The following HDAC9 variants were observed in gnomAD, a reference collection of about 807,000 sequenced individuals.
HDAC9 encodes histone deacetylase 9, also known as MEF-2 interacting transcription repressor (MITR) protein.
A neutral mutation model predicts 139.4 loss-of-function variants in HDAC9; 41 were observed. That is an observed-to-expected ratio of 0.29 (90% CI 0.23 to 0.38). The LOEUF (loss-of-function observed/expected upper bound fraction) is 0.38. Among genes scored for constraint, HDAC9 ranks in the 10% least tolerant of loss-of-function variants. HDAC9 has a pLI of 1.00. For synonymous variants in HDAC9, 517 were observed against 476.2 expected (o/e 1.09, Z -1.12); for missense variants, 1,147 against 1,297.0 (o/e 0.88, Z 1.78).
intron 12 of HDAC9, among the ~76,000 whole-genome samples, chr7:18,716,252 T>C (rs1357629269): frequency 6.6e-6 from 1 of 152,236 alleles, no homozygotes; most frequent in African/African-American, 2.4e-5. Context: ...TGGGCTGTTA[T>C]GTAATTAAAA....
intron 1 of HDAC9, among the ~76,000 whole-genome samples, chr7:18,388,419 T>C (rs1786147754): frequency 6.6e-6 from 1 of 152,192 alleles, no homozygotes; most frequent in Admixed American, 6.5e-5. Context: ...GTGCAGCCTG[T>C]GAGGATAGAG....
Position 18,495,939 on chromosome 7 carries a change from A to G in HDAC9, c.-126A>G, listed in dbSNP as rs911706604. 24 of 1,243,712 alleles carry G rather than the reference A, an allele frequency of 1.9e-5. No individual in the cohort carries two copies. The South Asian group carries it at 5.5e-4, about 28-fold the overall frequency. The allele number at this position is 1,243,712 out of a possible 1,614,324, so 77.0% of individuals were successfully genotyped here. On this transcript the variant is annotated 5_prime_UTR_variant, in exon 1 of 26. Transcript: ENST00000686413. Reference sequence around the variant, plus strand: ...AGAAATAACCCCGAAGCACGTTCCTATTTCCCACCTGCTTGTAGTTTCCGG... The same window carrying G: ...AGAAATAACCCCGAAGCACGTTCCTGTTTCCCACCTGCTTGTAGTTTCCGG...
At chr7:18,659,253 T>C (rs1420086821) in intron 11 of HDAC9, among the ~76,000 whole-genome samples, 1 of 152,180 alleles carries the variant, frequency 6.6e-6, no homozygotes, top group Non-Finnish European at 1.5e-5. Context: ...TATAGACTTG[T>C]ATCAAGTTAT....
At chr7:18,938,630 C>T (rs768323615) in intron 23 of HDAC9, among the ~76,000 whole-genome samples, 18 of 152,172 alleles carry the variant, frequency 1.2e-4, no homozygotes, top group Non-Finnish European at 1.6e-4. Flanking sequence ...TCTCAAAATG[C>T]TGAATTAAAT....
intron 2 of HDAC9, among the ~76,000 whole-genome samples, chr7:18,229,466 C>T (rs777186731): frequency 2.0e-5 from 3 of 152,152 alleles, no homozygotes; most frequent in African/African-American, 2.4e-5. Context: ...GCAGCAGGCT[C>T]GGTGCCGTGC....
At chr7:18,641,504 T>TA (rs1278750833) in intron 8 of HDAC9, among the ~76,000 whole-genome samples, 1 of 152,128 alleles carries the variant, frequency 6.6e-6, no homozygotes, top group Non-Finnish European at 1.5e-5. Flanking sequence ...GACAGAGAAG[T>TA]TACCCGTTAA....
chr7:18,655,642 C>T (rs1790888712), intron 11 of HDAC9, among the ~76,000 whole-genome samples: 1 of 152,110 alleles, frequency 6.6e-6, no homozygotes, highest in Admixed American at 6.6e-5. Flanking sequence ...GGAAAAGAAA[C>T]AAAATGACCA....
intron 2 of HDAC9, among the ~76,000 whole-genome samples, chr7:18,536,830 G>T (rs560971379): frequency 1.3e-5 from 2 of 152,204 alleles, no homozygotes; most frequent in South Asian, 4.1e-4. Context: ...ACTAGGGAGG[G>T]TATTAAATAA....
chr7:18,925,499 A>G (rs1804137980), intron 22 of HDAC9, among the ~76,000 whole-genome samples: 2 of 152,148 alleles, frequency 1.3e-5, no homozygotes, highest in African/African-American at 4.8e-5. Context: ...GTCACATAGT[A>G]GCTTCTTAGT....
At chr7:18,482,953 G>A (rs776506991) in intron 1 of HDAC9, among the ~76,000 whole-genome samples, 4 of 152,076 alleles carry the variant, frequency 2.6e-5, no homozygotes, top group Admixed American at 6.5e-5. Flanking sequence ...AAAGTCTAAC[G>A]CATTACTCTA....
chr7:18,177,817 C>G (rs1472905917), intron 2 of HDAC9, among the ~76,000 whole-genome samples: 1 of 152,116 alleles, frequency 6.6e-6, no homozygotes, highest in Middle Eastern at 3.4e-3. Context: ...GCCCAGCACA[C>G]AAAAGGAGCC....
At chr7:18,248,511 C>T (rs1448989574) in intron 2 of HDAC9, among the ~76,000 whole-genome samples, 2 of 152,162 alleles carry the variant, frequency 1.3e-5, no homozygotes, top group East Asian at 3.9e-4. Context: ...GAATTGTTGG[C>T]AGTTTTTGAG....
intron 1 of HDAC9, among the ~76,000 whole-genome samples, chr7:18,445,823 G>C (rs1562995382): frequency 6.6e-6 from 1 of 152,298 alleles, no homozygotes; most frequent in Non-Finnish European, 1.5e-5. Flanking sequence ...AAAATATCCT[G>C]AAAATGGTTT....
intron 6 of HDAC9, among the ~76,000 whole-genome samples, chr7:18,616,518 A>G (rs920807473): frequency 8.5e-5 from 13 of 152,190 alleles, no homozygotes; most frequent in African/African-American, 2.9e-4. Flanking sequence ...TATCCATTCA[A>G]GATAGGTAAT....
At chr7:18,945,010 T>A (rs1172361378) in intron 23 of HDAC9, among the ~76,000 whole-genome samples, 1 of 152,172 alleles carries the variant, frequency 6.6e-6, no homozygotes, top group Non-Finnish European at 1.5e-5. Flanking sequence ...GTGATGGACA[T>A]TTTATATGTG....
chr7:18,417,810 C>CAT (rs1789223456), intron 1 of HDAC9, among the ~76,000 whole-genome samples: 1 of 152,102 alleles, frequency 6.6e-6, no homozygotes, highest in Non-Finnish European at 1.5e-5. Context: ...AAATAGTTCC[C>CAT]ATACATATAT....
intron 2 of HDAC9, among the ~76,000 whole-genome samples, chr7:18,562,042 G>C (rs1366841161): frequency 6.6e-6 from 1 of 152,062 alleles, no homozygotes; most frequent in Non-Finnish European, 1.5e-5. Flanking sequence ...CATGTGAAGT[G>C]GTATCTTATT....
intron 7 of HDAC9, among the ~76,000 whole-genome samples, chr7:18,632,904 G>C (rs973276647): frequency 2.0e-5 from 3 of 151,854 alleles, no homozygotes; most frequent in African/African-American, 7.3e-5. Flanking sequence ...GAGAGAGTGA[G>C]GATGACTCTA....
chr7:18,193,041 C>T (rs1399006541), intron 2 of HDAC9, among the ~76,000 whole-genome samples: 2 of 152,088 alleles, frequency 1.3e-5, no homozygotes, highest in South Asian at 2.1e-4. Flanking sequence ...GTTTAATTAC[C>T]TATGCATCTT....
Sources: allele counts gnomAD v4.1 joint callset (sites outside exome capture counted in the v4.1 genomes callset), GRCh38; gene constraint gnomAD v4.1.1; transcripts MANE v1.5; gene names NCBI Gene and HGNC (gene_info 2026-07-23, HGNC 2026-07-21).